Variants in OSBPL8 observed in about 807,000 individuals in gnomAD.
OSBPL8 encodes oxysterol binding protein like 8.
OSBPL8 carries 59 observed loss-of-function variants against 125.5 expected under a neutral mutation model. That is an observed-to-expected ratio of 0.47 (90% CI 0.38 to 0.58). OSBPL8 has a LOEUF of 0.58. Ranked by LOEUF, OSBPL8 falls within the 20% of genes least tolerant of loss-of-function variation. The probability of loss-of-function intolerance (pLI) is 0.00; values close to 1 mark genes in which losing one functional copy is unlikely to be tolerated. For missense variants in OSBPL8, 758 were observed against 1,047.8 expected (o/e 0.72, Z 3.82); for synonymous variants, 330 against 338.9 (o/e 0.97, Z 0.29).
At position 76,413,624 on chromosome 12, in the gene OSBPL8, ACT is replaced by A. The variant is rs756851872; in HGVS notation, c.218-2992_218-2991del. On this transcript the variant is annotated intron_variant, in intron 4 of 23. Transcript: ENST00000261183. ...ACCGTAGTAACTTCAGTATTGAAAA[ACT>A]CTTAATATTTTTGGCAGTCTGGTGG... Among the ~76,000 whole-genome samples the A allele has an allele frequency of 6.8e-4, 103 of 151,058 alleles. 1 individual carries two copies. Among genetic ancestry groups the A allele is most frequent in the Non-Finnish European group, 6.3e-4 (43 of 67,734 alleles).
At chr12:76,359,623 G>A (rs1312419147) in intron 21 of OSBPL8, among the ~76,000 whole-genome samples, 2 of 152,172 alleles carry the variant, frequency 1.3e-5, no homozygotes, top group African/African-American at 2.4e-5. Flanking sequence ...GGGATGAAAA[G>A]GAGGTTTAAT....
chr12:76,455,882 T>G (rs1013476765), intron 3 of OSBPL8, among the ~76,000 whole-genome samples: 2 of 152,352 alleles, frequency 1.3e-5, no homozygotes, highest in East Asian at 3.9e-4. Flanking sequence ...TGAATCACTG[T>G]GTGACTCCAG....
intron 2 of OSBPL8, among the ~76,000 whole-genome samples, chr12:76,477,661 T>C (rs1565929214): frequency 6.6e-6 from 1 of 151,992 alleles, no homozygotes; most frequent in African/African-American, 2.4e-5. Context: ...GGACATTACG[T>C]AAAAACTAAG....
intron 1 of OSBPL8, among the ~76,000 whole-genome samples, chr12:76,493,026 A>C (rs1464078753): frequency 6.6e-6 from 1 of 152,194 alleles, no homozygotes; most frequent in Non-Finnish European, 1.5e-5. Context: ...GTTGCAGTCA[A>C]AAATAGTTGG....
At chr12:76,467,885 T>G (rs550920281) in intron 2 of OSBPL8, among the ~76,000 whole-genome samples, 30 of 152,330 alleles carry the variant, frequency 2.0e-4, no homozygotes, top group African/African-American at 7.0e-4. Context: ...TATTCAACAC[T>G]AAGATAAGTG....
chr12:76,367,215 G>A (rs964861506), intron 21 of OSBPL8, among the ~76,000 whole-genome samples: 2 of 143,838 alleles, frequency 1.4e-5, no homozygotes, highest in African/African-American at 2.5e-5. Context: ...GTATATTTTG[G>A]GGCTTTGTTG....
intron 1 of OSBPL8, among the ~76,000 whole-genome samples, chr12:76,546,492 G>T (rs1050931477): frequency 1.3e-5 from 2 of 151,952 alleles, no homozygotes; most frequent in African/African-American, 2.4e-5. Context: ...TAATGCTGAA[G>T]ATTCTATTTT....
chr12:76,480,167 C>CAAAAAAAAA (rs57582036), intron 2 of OSBPL8, among the ~76,000 whole-genome samples: 19 of 56,364 alleles, frequency 3.4e-4, no homozygotes, highest in Non-Finnish European at 4.3e-4. Flanking sequence ...AACTCCATCT[C>CAAAAAAAAA]AAAAAAAAAA....
At chr12:76,490,903 G>A (rs371338107) in intron 1 of OSBPL8, among the ~76,000 whole-genome samples, 6 of 152,350 alleles carry the variant, frequency 3.9e-5, no homozygotes, top group East Asian at 3.9e-4. Context: ...GAGCCTGCAC[G>A]GAGTTCGCTC....
chr12:76,532,854 T>C (rs991905792), intron 1 of OSBPL8, among the ~76,000 whole-genome samples: 3 of 152,204 alleles, frequency 2.0e-5, no homozygotes, highest in African/African-American at 7.2e-5. Flanking sequence ...ACAAAGATTG[T>C]TGCTTTCTGC....
chr12:76,398,135 A>T (rs958531477), intron 7 of OSBPL8, among the ~76,000 whole-genome samples: 5 of 152,172 alleles, frequency 3.3e-5, no homozygotes, highest in African/African-American at 1.2e-4. Context: ...TAGTGTACTA[A>T]GTAGGATAAT....
intron 4 of OSBPL8, among the ~76,000 whole-genome samples, chr12:76,419,212 G>A (rs952733373): frequency 3.9e-5 from 6 of 151,976 alleles, no homozygotes; most frequent in African/African-American, 1.4e-4. Flanking sequence ...CTCCAGCCTG[G>A]GAGACAGAGC....
chr12:76,373,262 A>G lies in OSBPL8; in HGVS notation c.1917+82T>C, dbSNP rs73383544. ...AAATAGTGATGTTTTCAGCAACGGAATAAGTTTTAAATTTTAAATGTGATT... is the reference window on the plus strand; with the variant it reads ...AAATAGTGATGTTTTCAGCAACGGAGTAAGTTTTAAATTTTAAATGTGATT... On this transcript the variant is annotated intron_variant, in intron 18 of 23. Transcript: ENST00000261183. The G allele has an allele frequency of 0.011, 9,713 of 877,826 alleles. 518 individuals carry two copies. In the African/African-American group the frequency reaches 0.14, roughly 12 times the overall value. 54.4% of individuals were successfully genotyped at this position (877,826 alleles called of 1,614,324 possible). A position where few individuals can be genotyped will look rare whatever the true frequency, so the allele number is the denominator to read the frequency against.
intron 4 of OSBPL8, among the ~76,000 whole-genome samples, chr12:76,436,456 T>C (rs1419587367): frequency 6.6e-6 from 1 of 151,762 alleles, no homozygotes; most frequent in Non-Finnish European, 1.5e-5. Flanking sequence ...TGTGGACCAG[T>C]AAAATTCCAC....
At chr12:76,545,351 T>A (rs1435571464) in intron 1 of OSBPL8, among the ~76,000 whole-genome samples, 2 of 152,184 alleles carry the variant, frequency 1.3e-5, no homozygotes, top group Non-Finnish European at 2.9e-5. Flanking sequence ...AACACTGTTC[T>A]AAGATACTAG....
At chr12:76,515,286 G>A (rs1340073772) in intron 1 of OSBPL8, among the ~76,000 whole-genome samples, 1 of 152,162 alleles carries the variant, frequency 6.6e-6, no homozygotes, top group Non-Finnish European at 1.5e-5. Flanking sequence ...GCATATGGGT[G>A]TTCCTTTAAC....
chr12:76,551,039 G>C (rs939606977), intron 1 of OSBPL8, among the ~76,000 whole-genome samples: 3 of 152,004 alleles, frequency 2.0e-5, no homozygotes, highest in African/African-American at 7.3e-5. Flanking sequence ...GAGACAGGAG[G>C]AGACTCTGTC....
intron 5 of OSBPL8, among the ~76,000 whole-genome samples, chr12:76,408,766 T>C (rs1292545154): frequency 6.6e-6 from 1 of 152,162 alleles, no homozygotes; most frequent in East Asian, 1.9e-4. Flanking sequence ...ACCCAAAGCA[T>C]AGTTCTAAAG....
chr12:76,510,896 A>AT (rs199598894), intron 1 of OSBPL8, among the ~76,000 whole-genome samples: 3,153 of 148,738 alleles, frequency 0.021, 87 homozygotes, highest in African/African-American at 0.072. Context: ...AAAAAAAAAA[A>AT]AATATATTTA....
Sources: allele counts gnomAD v4.1 joint callset (sites outside exome capture counted in the v4.1 genomes callset), GRCh38; gene constraint gnomAD v4.1.1; transcripts MANE v1.5; gene names NCBI Gene and HGNC (gene_info 2026-07-23, HGNC 2026-07-21).